The following KAT7 variants were observed in gnomAD, a reference collection of about 807,000 sequenced individuals.
KAT7 encodes the protein lysine acetyltransferase 7, also known as histone acetyltransferase KAT7.
In KAT7, 10 loss-of-function variants were observed where a neutral mutation model predicts 82.1. The ratio of observed to expected loss-of-function variants is 0.12; its 90% CI spans 0.08 to 0.21. The LOEUF (loss-of-function observed/expected upper bound fraction) is 0.21. Ranked by LOEUF, KAT7 falls within the 10% of genes least tolerant of loss-of-function variation. KAT7 has a pLI of 1.00. For missense variants in KAT7, 378 were observed against 760.9 expected, an observed-to-expected ratio of 0.50 and a Z score of 5.92; for synonymous variants, 250 against 262.5, an observed-to-expected ratio of 0.95 and a Z score of 0.46.
At chr17:49,797,353 A>G (rs1162865401) in intron 3 of KAT7, among the ~76,000 whole-genome samples, 1 of 152,134 alleles carries the variant, frequency 6.6e-6, no homozygotes, top group African/African-American at 2.4e-5. Context: ...ATAAGCCACC[A>G]TGCCCAGCCT....
chr17:49,791,003 A>G (rs766802900), intron 1 of KAT7, among the ~76,000 whole-genome samples: 15 of 152,246 alleles, frequency 9.9e-5, no homozygotes, highest in Non-Finnish European at 1.6e-4. Flanking sequence ...TTGCTCATTG[A>G]AAAGATGGTT....
At chr17:49,821,833 G>C in intron 11 of KAT7, 43 bp downstream of exon 11, 1 of 1,601,160 alleles carries the variant, frequency 6.2e-7, no homozygotes, top group Non-Finnish European at 8.6e-7. Context: ...GCCAGAGCAG[G>C]GTGATCCATG....
chr17:49,799,382 T>G (rs1239006416), intron 4 of KAT7, among the ~76,000 whole-genome samples: 1 of 148,652 alleles, frequency 6.7e-6, no homozygotes, highest in Non-Finnish European at 1.5e-5. Context: ...GTGTGTTTTG[T>G]TTGTTTGTTT....
intron 11 of KAT7, among the ~76,000 whole-genome samples, chr17:49,822,844 G>A (rs1304884595): frequency 6.6e-6 from 1 of 152,006 alleles, no homozygotes; most frequent in Non-Finnish European, 1.5e-5. Flanking sequence ...GACTTACAGT[G>A]GTGTTTCCTT....
intron 2 of KAT7, among the ~76,000 whole-genome samples, chr17:49,795,089 C>T (rs867801696): frequency 6.6e-6 from 1 of 150,782 alleles, no homozygotes; most frequent in Non-Finnish European, 1.5e-5. Context: ...CTGTGCATCC[C>T]GCCCTCTGAA....
chr17:49,798,396 A>G lies in KAT7; in HGVS notation c.418A>G (p.Ile140Val). ...AAATGCGCCTTCTTCTGAGTCTGAC[A>G]TAGACATCTCCAGCCCCAATGTATC... Reference protein sequence around the residue: ...TGNAPSSESDIDISSPNVSHD... With the variant: ...TGNAPSSESDVDISSPNVSHD... Residue 140 changes from isoleucine (I) to valine (V), a missense_variant, in exon 4 of 15, where the codon ATA becomes GTA. Physicochemically the swap from Ile to Val is conservative, Grantham distance 29. This residue lies in a region of KAT7 where 161 missense variants were observed against 229.6 expected (regional missense o/e 0.70). Transcript: ENST00000259021. 1.2e-6 allele frequency: 2 copies of G among 1,614,246 alleles called. No individual in the cohort carries two copies. The highest frequency in any genetic ancestry group is 1.7e-6 in the Non-Finnish European group (2 of 1,180,038).
chr17:49,791,525 G>A (rs1320247542), intron 1 of KAT7, among the ~76,000 whole-genome samples: 1 of 152,186 alleles, frequency 6.6e-6, no homozygotes, highest in Non-Finnish European at 1.5e-5. Context: ...GGGCATGGTG[G>A]CGGGCGCCTG....
Position 49,821,842 on chromosome 17 carries a change from T to C in KAT7, c.1386+52T>C, listed in dbSNP as rs1336645367. ...CCAATGGCCAGAGCAGGGTGATCCA[T>C]GTTCGCAGTTGGGGGCTCAAATCAC... On this transcript the variant is annotated intron_variant, in intron 11 of 14. Coordinates refer to ENST00000259021, the MANE Select transcript of KAT7 (RefSeq NM_007067.5). 6 of 1,566,988 alleles carry C rather than the reference T, an allele frequency of 3.8e-6. 1 individual carries two copies. The South Asian group carries it at 4.5e-5, about 12-fold the overall frequency.
At chr17:49,807,747 A>G (rs932196641) in intron 5 of KAT7, among the ~76,000 whole-genome samples, 1 of 152,180 alleles carries the variant, frequency 6.6e-6, no homozygotes, top group African/African-American at 2.4e-5. Flanking sequence ...ATCGGCAGCA[A>G]TTCTAAGACT....
chr17:49,820,328 CTT>C, intron 9 of KAT7, among the ~76,000 whole-genome samples: 1 of 151,470 alleles, frequency 6.6e-6, no homozygotes, highest in South Asian at 2.1e-4. Context: ...CGCTCTGTCA[CTT>C]AGGCTGGAGT....
At position 49,829,916 on chromosome 17, in the gene KAT7, T is replaced by G. The variant is rs2074409217; in HGVS notation, c.*2414T>G. ...TTTTTTTTGAGTCAGAGTCTGGCTC[T>G]GTTGCCCAGGTTGGAGTGCAGTGGC... On this transcript the variant is annotated 3_prime_UTR_variant, in exon 15 of 15. Transcript: ENST00000259021. 2.6e-5 allele frequency: 4 copies of G among 151,904 alleles called. No homozygotes were observed. The South Asian group carries it at 8.3e-4, about 32-fold the overall frequency. The allele number at this position is 151,904 out of a possible 1,614,324, so 9.4% of individuals were successfully genotyped here. A position where few individuals can be genotyped will look rare whatever the true frequency, so the allele number is the denominator to read the frequency against.
chr17:49,807,562 A>C (rs2074106882), intron 5 of KAT7, among the ~76,000 whole-genome samples: 1 of 152,122 alleles, frequency 6.6e-6, no homozygotes, highest in African/African-American at 2.4e-5. Flanking sequence ...ATAGAATGAG[A>C]AGCATTTGGG....
At chr17:49,827,166 C>A in intron 14 of KAT7, 1 of 516,330 alleles carries the variant, frequency 1.9e-6, no homozygotes, top group Non-Finnish European at 3.4e-6. Flanking sequence ...TAAATTATTT[C>A]ATATATACAA....
intron 9 of KAT7, among the ~76,000 whole-genome samples, chr17:49,820,646 C>T (rs985956415): frequency 3.3e-5 from 5 of 151,606 alleles, no homozygotes; most frequent in Non-Finnish European, 7.4e-5. Flanking sequence ...TGGCTGGCTG[C>T]ATTAAAACAG....
At position 49,792,014 on chromosome 17, in the gene KAT7, G is replaced by A; in HGVS notation, c.144G>A (p.Arg48=). The A allele has an allele frequency of 6.2e-7, 1 of 1,614,034 alleles. No homozygotes were observed. Among genetic ancestry groups the A allele is most frequent in the Non-Finnish European group, 8.5e-7 (1 of 1,179,966 alleles). The part of the protein sequence containing the change: ...RSARVTRSSA[R]LSQSSQDSSP... The stretch of plus-strand genomic sequence containing the variant: ...CTCGAGTCACCCGCTCCTCAGCCAG[G>A]CTAAGCCAGAGTTCTCAAGGTAAAA... The change falls in exon 2 of 15, where the codon AGG becomes AGA. Residue 48 remains arginine, a synonymous_variant. Transcript: ENST00000259021.
chr17:49,798,570 C>T lies in KAT7; in HGVS notation c.580+12C>T, dbSNP rs370176357. ...CTGTAACTCTCTAGGTCAGTGTGCCCTAGCTTCATGACATCCTTTGTTCTG... is the reference window on the plus strand; with the variant it reads ...CTGTAACTCTCTAGGTCAGTGTGCCTTAGCTTCATGACATCCTTTGTTCTG... On this transcript the variant is annotated intron_variant, in intron 4 of 14. Coordinates refer to ENST00000259021, the MANE Select transcript of KAT7 (RefSeq NM_007067.5). 3 of 1,586,444 alleles carry T rather than the reference C, an allele frequency of 1.9e-6. No individual in the cohort carries two copies. The highest frequency in any genetic ancestry group is 2.6e-6 in the Non-Finnish European group (3 of 1,161,348).
At chr17:49,806,640 A>G (rs113968716) in intron 5 of KAT7, among the ~76,000 whole-genome samples, 1,576 of 152,328 alleles carry the variant, frequency 0.01, 19 homozygotes, top group South Asian at 0.038. Flanking sequence ...TCTAAATACA[A>G]TGATCTGATA....
intron 4 of KAT7, among the ~76,000 whole-genome samples, chr17:49,799,361 C>T (rs1380747925): frequency 6.6e-6 from 1 of 152,096 alleles, no homozygotes; most frequent in Non-Finnish European, 1.5e-5. Flanking sequence ...GCCAACAGTA[C>T]ACTTCCTGTA....
intron 9 of KAT7, among the ~76,000 whole-genome samples, chr17:49,820,234 A>G (rs1027556201): frequency 1.3e-5 from 2 of 150,438 alleles, no homozygotes; most frequent in Non-Finnish European, 3.0e-5. Context: ...ACAGAGTGAC[A>G]CCCTATCTCA....
Sources: gnomAD v4.1 joint callset for allele counts (sites outside exome capture counted in the v4.1 genomes callset) on GRCh38, gnomAD v4.1.1 for gene constraint, gnomAD v4.1.1 regional missense constraint, MANE v1.5 for transcripts, NCBI Gene and HGNC (gene_info 2026-07-23, HGNC 2026-07-21) for gene names.